CDH11: variants seen among roughly 807,000 people sequenced by gnomAD.
The protein encoded by CDH11 is cadherin 11, also known as cadherin-11.
A neutral mutation model predicts 67.8 loss-of-function variants in CDH11; 11 were observed. The ratio of observed to expected loss-of-function variants is 0.16; its 90% CI spans 0.10 to 0.27. CDH11 has a LOEUF of 0.27. CDH11 is among the 10% of genes least tolerant of loss of function. The pLI is 1.00. For synonymous variants in CDH11, 419 were observed against 400.0 expected, an observed-to-expected ratio of 1.05 and a Z score of -0.57; for missense variants, 847 against 1,031.2, an observed-to-expected ratio of 0.82 and a Z score of 2.45.
At chr16:64,986,227 G>C (rs1027639100) in intron 7 of CDH11, 1 of 151,858 alleles carries the variant, frequency 6.6e-6, no homozygotes, top group Non-Finnish European at 1.5e-5. Flanking sequence ...CTTTGTGCTA[G>C]AAGTTTGAGC....
intron 1 of CDH11, among the ~76,000 whole-genome samples, chr16:65,110,916 A>G (rs2075146346): frequency 6.6e-6 from 1 of 152,192 alleles, no homozygotes. Flanking sequence ...AAATGGAATG[A>G]GTAACACATG....
At chr16:64,994,395 A>G (rs945745315) in intron 4 of CDH11, among the ~76,000 whole-genome samples, 1 of 152,218 alleles carries the variant, frequency 6.6e-6, no homozygotes, top group African/African-American at 2.4e-5. Context: ...AACCTTCAAC[A>G]TAGTTTATAT....
In CDH11 at chr16:65,111,889, G is replaced by A. The variant is rs144700219; in HGVS notation, c.-298+9991C>T. ...GTTCAAGACCAGTCTGACCAACATG[G>A]TGAAACCCCGTCTCTACTAAAAATA... On this transcript the variant is annotated intron_variant, in intron 1 of 12. Transcript: ENST00000268603. Among the ~76,000 whole-genome samples the A allele has an allele frequency of 2.7e-3, 403 of 152,014 alleles. 5 individuals carry two copies. The highest frequency in any genetic ancestry group is 9.2e-3 in the African/African-American group (381 of 41,482).
intron 3 of CDH11, among the ~76,000 whole-genome samples, chr16:65,002,041 G>C (rs191161693): frequency 3.2e-4 from 48 of 152,264 alleles, no homozygotes; most frequent in African/African-American, 1.1e-3. Context: ...AGGTTGTTAG[G>C]AAATAAACCA....
At chr16:65,090,214 T>A (rs1328275879) in intron 1 of CDH11, among the ~76,000 whole-genome samples, 1 of 152,166 alleles carries the variant, frequency 6.6e-6, no homozygotes, top group Non-Finnish European at 1.5e-5. Context: ...AAAGCTGAAA[T>A]CTAGACCTTA....
At chr16:64,990,961 T>A (rs543230602) in intron 6 of CDH11, among the ~76,000 whole-genome samples, 56 of 152,304 alleles carry the variant, frequency 3.7e-4, no homozygotes, top group Non-Finnish European at 7.2e-4. Context: ...CCATCCCACA[T>A]GCTTTTCCTT....
At chr16:65,041,272 C>T (rs2142666321) in intron 2 of CDH11, among the ~76,000 whole-genome samples, 1 of 152,308 alleles carries the variant, frequency 6.6e-6, no homozygotes, top group Non-Finnish European at 1.5e-5. Context: ...AGTAGGTGCA[C>T]ACATGGGTAC....
At chr16:65,112,045 G>C (rs949230843) in intron 1 of CDH11, among the ~76,000 whole-genome samples, 1 of 148,354 alleles carries the variant, frequency 6.7e-6, no homozygotes, top group African/African-American at 2.5e-5. Flanking sequence ...ACTCCAGCCT[G>C]GGCAACAGAG....
chr16:65,117,879 G>T (rs1567590119), intron 1 of CDH11, among the ~76,000 whole-genome samples: 1 of 152,052 alleles, frequency 6.6e-6, no homozygotes, highest in Non-Finnish European at 1.5e-5. Context: ...TGTTTATCCT[G>T]CAGCCCAGCC....
rs2073036365 is a variant in CDH11 at position 65,005,599 on chromosome 16, G to A, written c.-172-558C>T. Among the ~76,000 whole-genome samples, 3 of 152,200 alleles carry A rather than the reference G, an allele frequency of 2.0e-5. No individual in the cohort carries two copies. In the South Asian group the frequency reaches 6.2e-4, roughly 32 times the overall value. ...AGGCAATGGATCCTGTTAGGGAAGG[G>A]ATGTAGGGGAAGATCCCAAGAAACC... On this transcript the variant is annotated intron_variant, in intron 2 of 12. Coordinates refer to ENST00000268603, the MANE Select transcript of CDH11 (RefSeq NM_001797.4).
chr16:64,955,686 A>C (rs763360402), intron 11 of CDH11, among the ~76,000 whole-genome samples: 5 of 152,206 alleles, frequency 3.3e-5, no homozygotes, highest in Non-Finnish European at 7.3e-5. Context: ...TCAAGGCTAC[A>C]GTGAGCTATA....
chr16:65,062,706 T>C lies in CDH11; in HGVS notation c.-297-8778A>G, dbSNP rs2074252210. Among the ~76,000 whole-genome samples the C allele has an allele frequency of 2.6e-5, 4 of 152,324 alleles. No individual in the cohort carries two copies. In the South Asian group the frequency reaches 8.3e-4, roughly 32 times the overall value. On this transcript the variant is annotated intron_variant, in intron 1 of 12. Coordinates refer to ENST00000268603, the MANE Select transcript of CDH11 (RefSeq NM_001797.4). ...ATAAACTCCACAGGGATAAGAAGCA[T>C]ATATGTTTCCTTGTCCACTTTATAA...
At chr16:64,963,007 G>T (rs2071714797) in intron 11 of CDH11, among the ~76,000 whole-genome samples, 1 of 152,158 alleles carries the variant, frequency 6.6e-6, no homozygotes, top group Non-Finnish European at 1.5e-5. Flanking sequence ...ATTTATAGCA[G>T]TTCCTGTTAC....
chr16:65,090,769 A>G (rs2074780044), intron 1 of CDH11, among the ~76,000 whole-genome samples: 1 of 152,218 alleles, frequency 6.6e-6, no homozygotes, highest in African/African-American at 2.4e-5. Flanking sequence ...AACAAAATGT[A>G]AAGTTTATTT....
chr16:65,037,033 G>C (rs1263636982), intron 2 of CDH11, among the ~76,000 whole-genome samples: 1 of 152,132 alleles, frequency 6.6e-6, no homozygotes, highest in Non-Finnish European at 1.5e-5. Flanking sequence ...TTCAGTGAGA[G>C]AGAGGAGACA....
At chr16:65,066,024 G>C (rs1161331777) in intron 1 of CDH11, among the ~76,000 whole-genome samples, 1 of 152,204 alleles carries the variant, frequency 6.6e-6, no homozygotes, top group Non-Finnish European at 1.5e-5. Context: ...TGACGCCAGA[G>C]CGTCCTCTCT....
chr16:65,120,352 G>C (rs1224767698), intron 1 of CDH11, among the ~76,000 whole-genome samples: 2 of 152,142 alleles, frequency 1.3e-5, no homozygotes, highest in African/African-American at 2.4e-5. Flanking sequence ...AACCATCGAC[G>C]TCTGCTGCAA....
intron 8 of CDH11, among the ~76,000 whole-genome samples, chr16:64,975,650 A>G (rs905458719): frequency 4.6e-5 from 7 of 152,186 alleles, no homozygotes; most frequent in African/African-American, 1.7e-4. Context: ...CATGCTTGCT[A>G]TTGTGAATAG....
chr16:65,070,494 G>A (rs2074397213), intron 1 of CDH11, among the ~76,000 whole-genome samples: 1 of 152,150 alleles, frequency 6.6e-6, no homozygotes, highest in Admixed American at 6.5e-5. Context: ...CTGCAAAGTG[G>A]TATCTCTAAT....
Sources: allele counts gnomAD v4.1 joint callset (sites outside exome capture counted in the v4.1 genomes callset), GRCh38; gene constraint gnomAD v4.1.1; transcripts MANE v1.5; gene names NCBI Gene and HGNC (gene_info 2026-07-23, HGNC 2026-07-21).